Variants in MAGI2 observed in about 807,000 individuals in gnomAD.
MAGI2 encodes membrane associated guanylate kinase, WW and PDZ domain containing 2.
MAGI2 carries 35 observed loss-of-function variants against 133.3 expected under a neutral mutation model. The observed-to-expected ratio is 0.26, with a 90% CI of 0.20 to 0.35. The LOEUF is 0.35. Ranked by LOEUF, MAGI2 falls within the 10% of genes least tolerant of loss-of-function variation. The probability of loss-of-function intolerance (pLI) is 1.00; values close to 1 mark genes in which losing one functional copy is unlikely to be tolerated. For missense variants in MAGI2, 1,636 were observed against 1,863.4 expected (o/e 0.88, Z 2.25); for synonymous variants, 729 against 710.6 (o/e 1.03, Z -0.41).
intron 2 of MAGI2, among the ~76,000 whole-genome samples, chr7:78,958,904 T>A (rs1321664572): frequency 6.6e-6 from 1 of 152,188 alleles, no homozygotes; most frequent in Non-Finnish European, 1.5e-5. Flanking sequence ...AGATATGTGC[T>A]GTCTGATATT....
intron 1 of MAGI2, among the ~76,000 whole-genome samples, chr7:79,261,247 T>C (rs979610739): frequency 2.0e-5 from 3 of 152,204 alleles, no homozygotes; most frequent in African/African-American, 4.8e-5. Context: ...ATTCACTTCT[T>C]CATTCGTTGT....
rs559498059 is a variant in MAGI2 at position 78,638,666 on chromosome 7, T to C, written c.419-11427A>G. Among the ~76,000 whole-genome samples the C allele has an allele frequency of 3.9e-3, 587 of 152,298 alleles. 4 individuals carry two copies. The highest frequency in any genetic ancestry group is 0.013 in the African/African-American group (544 of 41,574). On this transcript the variant is annotated intron_variant, in intron 2 of 21. Transcript: ENST00000354212. ...TCCAGGACAGATCAACACTGCATTC[T>C]CACCAATAAAGTAGGGCAACCAACC...
At chr7:79,059,023 A>G (rs1186648654) in intron 1 of MAGI2, among the ~76,000 whole-genome samples, 1 of 152,124 alleles carries the variant, frequency 6.6e-6, no homozygotes, top group African/African-American at 2.4e-5. Flanking sequence ...AGTTGTTAAC[A>G]TAAAGATATT....
intron 1 of MAGI2, among the ~76,000 whole-genome samples, chr7:79,441,981 GC>G (rs1188027038): frequency 1.3e-5 from 2 of 152,016 alleles, no homozygotes; most frequent in African/African-American, 4.8e-5. Context: ...TATGTACCTT[GC>G]CCCTGCCTCT....
At chr7:78,404,920 C>G (rs1409298396) in intron 6 of MAGI2, among the ~76,000 whole-genome samples, 1 of 152,130 alleles carries the variant, frequency 6.6e-6, no homozygotes, top group East Asian at 1.9e-4. Context: ...ATCTACCCAT[C>G]TGACAAAGGG....
chr7:78,923,250 T>G (rs908222152), intron 2 of MAGI2, among the ~76,000 whole-genome samples: 3 of 152,120 alleles, frequency 2.0e-5, no homozygotes, highest in Non-Finnish European at 4.4e-5. Context: ...TTGGTGTTTT[T>G]GACATGAAGT....
At chr7:78,793,426 C>T (rs1162401128) in intron 2 of MAGI2, among the ~76,000 whole-genome samples, 1 of 152,096 alleles carries the variant, frequency 6.6e-6, no homozygotes, top group Non-Finnish European at 1.5e-5. Flanking sequence ...GACAATACAC[C>T]AGACAGCCTC....
At chr7:78,026,758 T>A (rs1808958540) in intron 21 of MAGI2, among the ~76,000 whole-genome samples, 1 of 152,210 alleles carries the variant, frequency 6.6e-6, no homozygotes, top group African/African-American at 2.4e-5. Context: ...GCTGGGTGTT[T>A]CCGAAAGCCA....
At chr7:78,793,731 C>T (rs1181882294) in intron 2 of MAGI2, among the ~76,000 whole-genome samples, 1 of 152,128 alleles carries the variant, frequency 6.6e-6, no homozygotes, top group Non-Finnish European at 1.5e-5. Context: ...TACCATAAAA[C>T]ATATTTCTCA....
chr7:78,228,114 T>G (rs1272511195), intron 10 of MAGI2, among the ~76,000 whole-genome samples: 1 of 152,224 alleles, frequency 6.6e-6, no homozygotes, highest in East Asian at 1.9e-4. Context: ...ATTTGAATTT[T>G]GTACAACTCC....
intron 1 of MAGI2, among the ~76,000 whole-genome samples, chr7:79,145,247 C>T (rs1055395972): frequency 7.9e-5 from 12 of 152,076 alleles, no homozygotes; most frequent in Non-Finnish European, 1.6e-4. Flanking sequence ...AAAACATGTT[C>T]CTGTCTTCCA....
intron 20 of MAGI2, among the ~76,000 whole-genome samples, chr7:78,083,650 C>A (rs1000539955): frequency 1.3e-5 from 2 of 152,130 alleles, no homozygotes; most frequent in East Asian, 3.9e-4. Context: ...AGGGACAAGG[C>A]GGAGCGGGAT....
chr7:78,566,314 T>C lies in MAGI2; in HGVS notation c.539-44669A>G, dbSNP rs548167728. Among the ~76,000 whole-genome samples, 76 of 152,230 alleles carry C rather than the reference T, an allele frequency of 5.0e-4. 1 individual carries two copies. Among genetic ancestry groups the C allele is most frequent in the African/African-American group, 1.6e-3 (66 of 41,554 alleles). On this transcript the variant is annotated intron_variant, in intron 3 of 21. Coordinates refer to ENST00000354212, the MANE Select transcript of MAGI2 (RefSeq NM_012301.4). ...GAACAGATCCTGAACGGTGGAAGGA[T>C]GCTGAGGGCCTTGAAAATCTGAGAA...
chr7:78,259,996 A>G (rs1562702269), intron 9 of MAGI2, among the ~76,000 whole-genome samples: 1 of 152,212 alleles, frequency 6.6e-6, no homozygotes, highest in Non-Finnish European at 1.5e-5. Flanking sequence ...GTCATCAGGC[A>G]AGGATAAAGA....
chr7:78,771,392 T>A (rs1479222389), intron 2 of MAGI2: 1 of 152,070 alleles, frequency 6.6e-6, no homozygotes, highest in South Asian at 2.1e-4. Context: ...TAAAAGCCAG[T>A]GAGATGGATG....
intron 21 of MAGI2, among the ~76,000 whole-genome samples, chr7:78,056,366 T>C (rs549260490): frequency 3.3e-5 from 5 of 152,296 alleles, no homozygotes; most frequent in East Asian, 1.9e-4. Flanking sequence ...GATATATGGA[T>C]GCATATGTTT....
At chr7:78,451,669 T>C (rs1490028955) in intron 6 of MAGI2, among the ~76,000 whole-genome samples, 1 of 152,042 alleles carries the variant, frequency 6.6e-6, no homozygotes, top group Non-Finnish European at 1.5e-5. Flanking sequence ...TCACAGAGAT[T>C]TGTTGTGAGG....
At chr7:78,702,046 T>C (rs1818129678) in intron 2 of MAGI2, among the ~76,000 whole-genome samples, 1 of 151,960 alleles carries the variant, frequency 6.6e-6, no homozygotes, top group Admixed American at 6.6e-5. Context: ...AAGGAATAAA[T>C]GGTGGAGAGT....
chr7:78,229,766 C>A (rs6954324), intron 10 of MAGI2, among the ~76,000 whole-genome samples: 46,621 of 152,008 alleles, frequency 0.31, 8,413 homozygotes, highest in Non-Finnish European at 0.39. Context: ...ACCTCCAACC[C>A]AAGTGGGAGA....
Sources: gnomAD v4.1 joint callset for allele counts (sites outside exome capture counted in the v4.1 genomes callset) on GRCh38, gnomAD v4.1.1 for gene constraint, MANE v1.5 for transcripts, NCBI Gene and HGNC (gene_info 2026-07-23, HGNC 2026-07-21) for gene names.